Variants in SMARCC1 observed in about 807,000 individuals in gnomAD.
SMARCC1 encodes SWI/SNF related BAF chromatin remodeling complex subunit C1.
In SMARCC1, 43 loss-of-function variants were observed where a neutral mutation model predicts 147.4. The ratio of observed to expected loss-of-function variants is 0.29; its 90% CI spans 0.23 to 0.38. The LOEUF is 0.38. Ranked by LOEUF, SMARCC1 falls within the 10% of genes least tolerant of loss-of-function variation. The pLI, the probability that SMARCC1 is intolerant of heterozygous loss-of-function variation, is 1.00. For synonymous variants in SMARCC1, 495 were observed against 484.4 expected, an observed-to-expected ratio of 1.02 and a Z score of -0.29; for missense variants, 1,119 against 1,381.1, an observed-to-expected ratio of 0.81 and a Z score of 3.01.
chr3:47,638,709 T>A lies in SMARCC1; in HGVS notation c.2376+16A>T, dbSNP rs1172771052. ...AAAGGCATGCTATCTGTGGTTTTAC[T>A]GCTGTGAGACTTTACCTTTTCAGGC... On this transcript the variant is annotated intron_variant, in intron 22 of 27. Coordinates refer to ENST00000254480, the MANE Select transcript of SMARCC1 (RefSeq NM_003074.4). 1 of 1,607,204 alleles carries A rather than the reference T, an allele frequency of 6.2e-7. No individual in the cohort carries two copies. Among genetic ancestry groups the A allele is most frequent in the Admixed American group, 1.7e-5 (1 of 60,036 alleles).
At chr3:47,631,492 C>CTTT (rs1277956916) in intron 24 of SMARCC1, among the ~76,000 whole-genome samples, 1 of 152,138 alleles carries the variant, frequency 6.6e-6, no homozygotes, top group Non-Finnish European at 1.5e-5. Context: ...TCCTCTAAGC[C>CTTT]TAAAGACCCA....
At chr3:47,599,093 G>C (rs1274621133) in intron 26 of SMARCC1, among the ~76,000 whole-genome samples, 1 of 152,038 alleles carries the variant, frequency 6.6e-6, no homozygotes, top group Non-Finnish European at 1.5e-5. Flanking sequence ...CTTGTTTTAA[G>C]TTATTCTGAC....
At chr3:47,728,976 T>C (rs1410773665) in intron 6 of SMARCC1, 49 bp downstream of exon 6, 4 of 1,152,550 alleles carry the variant, frequency 3.5e-6, no homozygotes, top group Non-Finnish European at 2.5e-6. Context: ...ATAAAATCCA[T>C]TTGGTATGAT....
rs1237061261 is a variant in SMARCC1 at position 47,585,880 on chromosome 3, A to C, written c.*2329T>G. On this transcript the variant is annotated 3_prime_UTR_variant, in exon 28 of 28. Coordinates refer to ENST00000254480, the MANE Select transcript of SMARCC1 (RefSeq NM_003074.4). ...AAGAAACTGGTGTATGAATGCAGAG[A>C]ATGGGACTAGAATCCAGAAATGGTG... The C allele has an allele frequency of 6.6e-6, 1 of 152,636 alleles. No homozygotes were observed. The highest frequency in any genetic ancestry group is 1.5e-5 in the Non-Finnish European group (1 of 68,048). 9.5% of individuals were successfully genotyped at this position (152,636 alleles called of 1,614,324 possible). A position where few individuals can be genotyped will look rare whatever the true frequency, so the allele number is the denominator to read the frequency against.
rs1169256448 is a variant in SMARCC1 at position 47,610,075 on chromosome 3, G to A, written c.3034C>T (p.Pro1012Ser). Residue 1012 changes from proline to serine, a missense_variant, in exon 26 of 28, where the codon CCC (proline) becomes TCC (serine). Pro to Ser is a moderately conservative substitution (Grantham distance 74, BLOSUM62 -1). Coordinates refer to ENST00000254480, the MANE Select transcript of SMARCC1 (RefSeq NM_003074.4). Reference sequence around the variant, plus strand: ...AGGGCCTTCCTCTTACCTGGCTGGGGTGGATGAGGTGGTGGCATCTGGTGG... The same window carrying A: ...AGGGCCTTCCTCTTACCTGGCTGGGATGGATGAGGTGGTGGCATCTGGTGG... ...MHHQMPPPHP[P>S]QPGQIPGPGS... 2 of 1,612,410 alleles carry A rather than the reference G, an allele frequency of 1.2e-6. No homozygotes were observed. Among genetic ancestry groups the A allele is most frequent in the Admixed American group, 1.7e-5 (1 of 60,020 alleles).
rs2033116901 is a variant in SMARCC1 at position 47,646,019 on chromosome 3, GTTAAGGATT to G, written c.2321-7248_2321-7240del. On this transcript the variant is annotated intron_variant, in intron 21 of 27. Transcript: ENST00000254480. ...GGCTCGGACTTTTAAGGTGATGTCT[GTTAAGGATT>G]TAATGATAGGGCCAGGTGTGGTGGC... Among the ~76,000 whole-genome samples the G allele has an allele frequency of 2.0e-5, 3 of 152,226 alleles. No individual in the cohort carries two copies. The South Asian group carries it at 6.2e-4, about 32-fold the overall frequency.
At chr3:47,718,741 A>G (rs2106807531) in intron 7 of SMARCC1, among the ~76,000 whole-genome samples, 1 of 152,152 alleles carries the variant, frequency 6.6e-6, no homozygotes, top group South Asian at 2.1e-4. Flanking sequence ...AGTAGGTGAA[A>G]GAAGACTGAC....
intron 21 of SMARCC1, among the ~76,000 whole-genome samples, chr3:47,644,490 T>C (rs1476849491): frequency 6.6e-6 from 1 of 152,114 alleles, no homozygotes; most frequent in African/African-American, 2.4e-5. Flanking sequence ...AACAAGACAC[T>C]GTCTCAAAAG....
chr3:47,705,405 A>ATTTTCATG (rs1232040535), intron 10 of SMARCC1, among the ~76,000 whole-genome samples: 21 of 152,008 alleles, frequency 1.4e-4, no homozygotes, highest in African/African-American at 5.1e-4. Context: ...TATAATTTCA[A>ATTTTCATG]TTTTCATGTC....
chr3:47,636,232 T>C, intron 22 of SMARCC1, 96 bp from the exon 23 acceptor site: 1 of 669,988 alleles, frequency 1.5e-6, no homozygotes, highest in Non-Finnish European at 2.6e-6. Context: ...GGTTCCAATA[T>C]TTTTGGCAAG....
intron 26 of SMARCC1, among the ~76,000 whole-genome samples, chr3:47,598,845 A>G (rs1323280471): frequency 1.9e-5 from 2 of 105,722 alleles, no homozygotes; most frequent in Non-Finnish European, 4.2e-5. Flanking sequence ...AAAAAAAAAA[A>G]AAAAAAGAGA....
chr3:47,780,662 C>T (rs1411265532), intron 1 of SMARCC1, among the ~76,000 whole-genome samples: 1 of 152,144 alleles, frequency 6.6e-6, no homozygotes, highest in African/African-American at 2.4e-5. Flanking sequence ...CCCGGATACA[C>T]TGCAGTGAAC....
chr3:47,693,923 A>C (rs1486829139), intron 11 of SMARCC1, among the ~76,000 whole-genome samples: 1 of 152,214 alleles, frequency 6.6e-6, no homozygotes, highest in East Asian at 1.9e-4. Flanking sequence ...TCAGCCTCCC[A>C]AAATGCCGGG....
At chr3:47,621,832 A>C (rs1188934530) in intron 25 of SMARCC1, among the ~76,000 whole-genome samples, 1 of 151,920 alleles carries the variant, frequency 6.6e-6, no homozygotes, top group Non-Finnish European at 1.5e-5. Context: ...AAAAAAAAAA[A>C]AAGAAAGAAA....
intron 21 of SMARCC1, among the ~76,000 whole-genome samples, chr3:47,658,729 T>C (rs2033296228): frequency 6.6e-6 from 1 of 152,218 alleles, no homozygotes; most frequent in Non-Finnish European, 1.5e-5. Context: ...GCCAACAAAT[T>C]AGATAATCTA....
At chr3:47,731,411 C>A (rs1426707854) in intron 5 of SMARCC1, among the ~76,000 whole-genome samples, 17 of 152,258 alleles carry the variant, frequency 1.1e-4, no homozygotes, top group Non-Finnish European at 1.5e-5. Flanking sequence ...TCACAATCCA[C>A]GTCTTCCAAA....
At chr3:47,680,609 G>A (rs1026698462) in intron 14 of SMARCC1, 101 bp from the exon 15 acceptor site, 7 of 642,094 alleles carry the variant, frequency 1.1e-5, no homozygotes, top group African/African-American at 4.0e-5. Flanking sequence ...GTGCAGTGGC[G>A]GGATCTCGGC....
At position 47,659,760 on chromosome 3, in the gene SMARCC1, A is replaced by AAGGG. The variant is rs373959195; in HGVS notation, c.2320+1533_2320+1534insCCCT. On this transcript the variant is annotated intron_variant, in intron 21 of 27. Coordinates refer to ENST00000254480, the MANE Select transcript of SMARCC1 (RefSeq NM_003074.4). Reference sequence around the variant, plus strand: ...CATAAAGTCTACTAAGAAAAAAAAAAGGGGGGGGGGGCAAGAATCTGAGTA... The same window carrying AAGGG: ...CATAAAGTCTACTAAGAAAAAAAAAAAGGGGGGGGGGGGGGCAAGAATCTGAGTA... Among the ~76,000 whole-genome samples, 65 of 47,778 alleles carry AAGGG rather than the reference A, an allele frequency of 1.4e-3. 3 individuals carry two copies. The highest frequency in any genetic ancestry group is 4.8e-3 in the African/African-American group (53 of 10,998). The allele number at this position is 47,778 out of a possible 152,430, so 31.3% of individuals were successfully genotyped here.
At chr3:47,765,353 T>C (rs2034825753) in intron 2 of SMARCC1, among the ~76,000 whole-genome samples, 1 of 151,882 alleles carries the variant, frequency 6.6e-6, no homozygotes, top group Non-Finnish European at 1.5e-5. Flanking sequence ...TTTGTTAGGG[T>C]TGTTAGCAAT....
Sources: allele counts gnomAD v4.1 joint callset (sites outside exome capture counted in the v4.1 genomes callset), GRCh38; gene constraint gnomAD v4.1.1; transcripts MANE v1.5; gene names NCBI Gene and HGNC (gene_info 2026-07-23, HGNC 2026-07-21).